The following FAM110A variants were observed in gnomAD, a reference collection of about 807,000 sequenced individuals.
FAM110A encodes the protein family with sequence similarity 110 member A.
In FAM110A, 1 loss-of-function variant was observed where a neutral mutation model predicts 4.0. The observed-to-expected ratio is 0.25, with a 90% CI of 0.09 to 1.20. FAM110A has a LOEUF of 1.20. Ranked by LOEUF, FAM110A falls within the 50% of genes most tolerant of loss-of-function variation. The pLI is 0.50. For synonymous variants in FAM110A, 217 were observed against 196.8 expected (o/e 1.10, Z -0.86); for missense variants, 436 against 429.2 (o/e 1.02, Z -0.14).
rs1979854438 is a variant in FAM110A, at chr20:840,970, T to G, written c.-97-3738T>G. Among the ~76,000 whole-genome samples, 1 of 152,150 alleles carries G rather than the reference T, an allele frequency of 6.6e-6. No individual in the cohort carries two copies. The highest frequency in any genetic ancestry group is 1.5e-5 in the Non-Finnish European group (1 of 68,022). ...AACATCACCTGGCGGTCGTTCTGAGTGTCAGGGAGCGGGGCTCAGTTTGTC... is the reference window on the plus strand; with the variant it reads ...AACATCACCTGGCGGTCGTTCTGAGGGTCAGGGAGCGGGGCTCAGTTTGTC... On this transcript the variant is annotated intron_variant, in intron 1 of 1. Coordinates refer to ENST00000381941, the MANE Select transcript of FAM110A (RefSeq NM_001042353.3). The surrounding 1 kb of genome is among the most constrained non-coding windows in gnomAD (Gnocchi z 4.4).
chr20:838,976 A>G lies in FAM110A; in HGVS notation c.-98+5025A>G, dbSNP rs78487749. Among the ~76,000 whole-genome samples the G allele has an allele frequency of 1.4e-3, 217 of 152,256 alleles. 4 individuals are homozygous for G. In the East Asian group the frequency reaches 0.037, roughly 26 times the overall value. Reference sequence around the variant, plus strand: ...GTAATGAGACTTTATTTCTGCTGGGAAAACATTGCCGTTATTGCCCCCATT... The same window carrying G: ...GTAATGAGACTTTATTTCTGCTGGGGAAACATTGCCGTTATTGCCCCCATT... On this transcript the variant is annotated intron_variant, in intron 1 of 1. Transcript: ENST00000381941.
chr20:843,180 A>G (rs1013842494), intron 1 of FAM110A, among the ~76,000 whole-genome samples: 1 of 152,106 alleles, frequency 6.6e-6, no homozygotes, highest in Non-Finnish European at 1.5e-5. Flanking sequence ...TTATTTATCT[A>G]TTCTGGGACC....
chr20:837,313 G>C (rs1979636440), intron 1 of FAM110A, among the ~76,000 whole-genome samples: 1 of 152,112 alleles, frequency 6.6e-6, no homozygotes, highest in Non-Finnish European at 1.5e-5. Context: ...AGCCTCCAAA[G>C]TGCTGGGATT....
chr20:836,284 A>G (rs1286222394), intron 1 of FAM110A, among the ~76,000 whole-genome samples: 2 of 151,904 alleles, frequency 1.3e-5, no homozygotes, highest in African/African-American at 4.8e-5. Flanking sequence ...ATGAATTAAA[A>G]TGTATATAAA....
At chr20:835,186 C>CTATA (rs1358991459) in intron 1 of FAM110A, among the ~76,000 whole-genome samples, 33 of 136,194 alleles carry the variant, frequency 2.4e-4, no homozygotes, top group African/African-American at 8.2e-4. Context: ...CTCTCTCTCT[C>CTATA]TCTCTCTCTC....
chr20:845,368 G>A lies in FAM110A; in HGVS notation c.564G>A (p.Lys188=). 1.2e-6 allele frequency: 2 copies of A among 1,611,556 alleles called. No homozygotes were observed. ...GGCCGCCGGGTTTGCAACGCTCCAA[G>A]TCGGACTTGAGCGAGCGCTTTTCTA... ...PARPPGLQRS[K]SDLSERFSRA... The change falls in exon 2 of 2, where the codon AAG becomes AAA. Residue 188 remains lysine (K), a synonymous_variant. Transcript: ENST00000381941.
rs1161803366 is a variant in FAM110A, at chr20:845,232, G to C, written c.428G>C (p.Arg143Pro). 2 of 1,533,952 alleles carry C rather than the reference G, an allele frequency of 1.3e-6. No homozygotes were observed. Among genetic ancestry groups the C allele is most frequent in the South Asian group, 1.2e-5 (1 of 81,744 alleles). The change falls in exon 2 of 2, where the codon CGA becomes CCA. Residue 143 changes from arginine to proline, a missense_variant. Transcript: ENST00000381941. ...CGTCCTCCCCCAGCCACCCCTCCGCGACCGCCGCCCAGTACCTCTGCGGTC... is the reference window on the plus strand; with the variant it reads ...CGTCCTCCCCCAGCCACCCCTCCGCCACCGCCGCCCAGTACCTCTGCGGTC... ...AGRPPPATPP[R>P]PPPSTSAVRR... is the part of the protein sequence containing the mutation.
intron 1 of FAM110A, among the ~76,000 whole-genome samples, chr20:842,855 C>T (rs1446191723): frequency 3.3e-5 from 5 of 152,130 alleles, no homozygotes; most frequent in African/African-American, 1.2e-4. Context: ...TCTAGTTCAT[C>T]CCTGATCACC....
chr20:836,275 T>G (rs1979572610), intron 1 of FAM110A, among the ~76,000 whole-genome samples: 1 of 150,960 alleles, frequency 6.6e-6, no homozygotes, highest in African/African-American at 2.4e-5. Flanking sequence ...GGGCAGTGAA[T>G]GAATTAAAAT....
chr20:837,984 G>T (rs1979671423), intron 1 of FAM110A, among the ~76,000 whole-genome samples: 1 of 152,034 alleles, frequency 6.6e-6, no homozygotes, highest in Non-Finnish European at 1.5e-5. Flanking sequence ...GAGAAATTTG[G>T]CAGATACTGC....
chr20:845,236 G>T lies in FAM110A; in HGVS notation c.432G>T (p.Pro144=), dbSNP rs752263106. ...CTCCCCCAGCCACCCCTCCGCGACC[G>T]CCGCCCAGTACCTCTGCGGTCCGCC... ...GRPPPATPPR[P]PPSTSAVRRV... The change falls in exon 2 of 2, where the codon CCG becomes CCT. Residue 144 remains proline, a synonymous_variant. Coordinates refer to ENST00000381941, the MANE Select transcript of FAM110A (RefSeq NM_001042353.3). 7 of 1,530,242 alleles carry T rather than the reference G, an allele frequency of 4.6e-6. No homozygotes were observed. The highest frequency in any genetic ancestry group is 5.3e-6 in the Non-Finnish European group (6 of 1,140,078). The allele number at this position is 1,530,242 out of a possible 1,614,324, so 94.8% of individuals were successfully genotyped here.
chr20:845,553 G>T lies in FAM110A; in HGVS notation c.749G>T (p.Arg250Leu). The T allele has an allele frequency of 6.2e-7, 1 of 1,613,476 alleles. No individual in the cohort carries two copies. The highest frequency in any genetic ancestry group is 1.1e-5 in the South Asian group (1 of 91,042). The change falls in exon 2 of 2, where the codon CGC becomes CTC. Residue 250 changes from arginine to leucine, a missense_variant. Transcript: ENST00000381941. Reference sequence around the variant, plus strand: ...GGCAGCTCTGAAGGGGGCTGCTCCCGCCGCAGCTCGGTGACTGTTGAGGAG... The same window carrying T: ...GGCAGCTCTGAAGGGGGCTGCTCCCTCCGCAGCTCGGTGACTGTTGAGGAG... ...GPGSSEGGCSRRSSVTVEERA... is the reference protein window; with the variant it reads ...GPGSSEGGCSLRSSVTVEERA...
chr20:833,788 C>G lies in FAM110A; in HGVS notation c.-261C>G, dbSNP rs1250114533. ...TCGACAGTGAGGGCCACCCGCTCAG[C>G]TCGACCGCGGAGGGCAGCTCCAAAG... On this transcript the variant is annotated 5_prime_UTR_variant, in exon 1 of 2. Coordinates refer to ENST00000381941, the MANE Select transcript of FAM110A (RefSeq NM_001042353.3). The surrounding 1 kb of genome is among the most constrained non-coding windows in gnomAD (Gnocchi z 4.1). The G allele has an allele frequency of 6.6e-6, 1 of 152,242 alleles. No homozygotes were observed. The highest frequency in any genetic ancestry group is 2.4e-5 in the African/African-American group (1 of 41,460). The allele number at this position is 152,242 out of a possible 1,614,324, so 9.4% of individuals were successfully genotyped here.
chr20:840,074 C>T lies in FAM110A; in HGVS notation c.-97-4634C>T, dbSNP rs114916216. On this transcript the variant is annotated intron_variant, in intron 1 of 1. Coordinates refer to ENST00000381941, the MANE Select transcript of FAM110A (RefSeq NM_001042353.3). This position sits in a 1 kb window ranked among gnomAD's most constrained non-coding sequence, Gnocchi z 4.4. Reference sequence around the variant, plus strand: ...CATTATTGTTGCTTTGCTGTTACTACTATTAGCGCCTGAAGGAGCCTTCCC... The same window carrying T: ...CATTATTGTTGCTTTGCTGTTACTATTATTAGCGCCTGAAGGAGCCTTCCC... 96 of 727,522 alleles carry T rather than the reference C, an allele frequency of 1.3e-4. No individual in the cohort carries two copies. The African/African-American group carries it at 1.4e-3, about 10-fold the overall frequency. The allele number at this position is 727,522 out of a possible 1,614,324, so 45.1% of individuals were successfully genotyped here.
intron 1 of FAM110A, among the ~76,000 whole-genome samples, chr20:841,968 G>A (rs2122683236): frequency 6.6e-6 from 1 of 152,356 alleles, no homozygotes; most frequent in South Asian, 2.1e-4. Context: ...CCTGCGTGGG[G>A]GTGGTCTGTG....
In FAM110A at chr20:844,955, GC is replaced by G; in HGVS notation, c.153del (p.Lys52SerfsTer140). 2 of 1,593,154 alleles carry G rather than the reference GC, an allele frequency of 1.3e-6. No individual in the cohort carries two copies. The highest frequency in any genetic ancestry group is 1.7e-6 in the Non-Finnish European group (2 of 1,170,798). On this transcript the variant is annotated frameshift_variant, in exon 2 of 2. Coordinates refer to ENST00000381941, the MANE Select transcript of FAM110A (RefSeq NM_001042353.3). LOFTEE classifies it high-confidence loss of function. ...SAVERLEADK[A>X]KYVKSLHVAN... ...TGTGGAGCGCCTGGAGGCCGACAAG[GC>G]CAAGTACGTCAAGAGCCTGCACGTG...
At chr20:835,667 A>C (rs1979540371) in intron 1 of FAM110A, among the ~76,000 whole-genome samples, 1 of 152,174 alleles carries the variant, frequency 6.6e-6, no homozygotes, top group Non-Finnish European at 1.5e-5. Context: ...TCCTAATGTT[A>C]GTGCAAGGCC....
In FAM110A at chr20:835,164, A is replaced by ATCTCTC. The variant is rs143746608; in HGVS notation, c.-98+1245_-98+1250dup. ...AGCCTTCATGAAGTGCAGTCCTCCC[A>ATCTCTC]TCTCTCTCTCTCTCTCTCTCTCTCT... On this transcript the variant is annotated intron_variant, in intron 1 of 1. Transcript: ENST00000381941. Among the ~76,000 whole-genome samples the ATCTCTC allele has an allele frequency of 1.8e-3, 241 of 136,344 alleles. 1 individual carries two copies. The highest frequency in any genetic ancestry group is 0.016 in the Middle Eastern group (4 of 254). The allele number at this position is 136,344 out of a possible 152,430, so 89.4% of individuals were successfully genotyped here. A position where few individuals can be genotyped will look rare whatever the true frequency, so the allele number is the denominator to read the frequency against.
rs1980318718 is a variant in FAM110A at position 845,794 on chromosome 20, C to T, written c.*102C>T. On this transcript the variant is annotated 3_prime_UTR_variant, in exon 2 of 2. Coordinates refer to ENST00000381941, the MANE Select transcript of FAM110A (RefSeq NM_001042353.3). Reference sequence around the variant, plus strand: ...TCTCTAGACGGCCGTGTCAGAGGCTCCACCCTGTTGTGAACTTGGTATGGA... The same window carrying T: ...TCTCTAGACGGCCGTGTCAGAGGCTTCACCCTGTTGTGAACTTGGTATGGA... 4 of 1,526,634 alleles carry T rather than the reference C, an allele frequency of 2.6e-6. No individual in the cohort carries two copies. Among genetic ancestry groups the T allele is most frequent in the Admixed American group, 4.3e-5 (2 of 46,986 alleles). 94.6% of individuals were successfully genotyped at this position (1,526,634 alleles called of 1,614,324 possible). A position where few individuals can be genotyped will look rare whatever the true frequency, so the allele number is the denominator to read the frequency against.
Sources: gnomAD v4.1 joint callset for allele counts (sites outside exome capture counted in the v4.1 genomes callset) on GRCh38, gnomAD v4.1.1 for gene constraint, Gnocchi (gnomAD v3.1) non-coding constraint, MANE v1.5 for transcripts, NCBI Gene and HGNC (gene_info 2026-07-23, HGNC 2026-07-21) for gene names.